The following HCN1 variants were observed in gnomAD, a reference collection of about 807,000 sequenced individuals.
The protein encoded by HCN1 is potassium/sodium hyperpolarization-activated cyclic nucleotide-gated channel 1.
In HCN1, 13 loss-of-function variants were observed where a neutral mutation model predicts 78.9. That is an observed-to-expected ratio of 0.16 (90% CI 0.11 to 0.26). HCN1 has a LOEUF of 0.26. Among genes scored for constraint, HCN1 ranks in the 10% least tolerant of loss-of-function variants. The pLI is 1.00. For missense variants in HCN1, 810 were observed against 1,154.3 expected (o/e 0.70, Z 4.32); for synonymous variants, 552 against 455.5 (o/e 1.21, Z -2.70).
intron 1 of HCN1, 53 bp from the exon 2 acceptor site, chr5:45,645,661 C>A: frequency 6.0e-6 from 7 of 1,160,138 alleles, no homozygotes; most frequent in South Asian, 1.3e-5. Flanking sequence ...ACCAGCCTAT[C>A]CCCCCCATGA....
At chr5:45,415,269 C>T (rs576928306) in intron 3 of HCN1, among the ~76,000 whole-genome samples, 1 of 151,906 alleles carries the variant, frequency 6.6e-6, no homozygotes, top group South Asian at 2.1e-4. Context: ...AATAATTTGC[C>T]ATCTCAGTTT....
At chr5:45,311,373 A>G (rs1391198290) in intron 5 of HCN1, among the ~76,000 whole-genome samples, 1 of 152,168 alleles carries the variant, frequency 6.6e-6, no homozygotes, top group Non-Finnish European at 1.5e-5. Flanking sequence ...TGGATTTCAA[A>G]TGTTACTATT....
At chr5:45,373,432 G>A (rs1212244103) in intron 4 of HCN1, among the ~76,000 whole-genome samples, 4 of 131,744 alleles carry the variant, frequency 3.0e-5, no homozygotes, top group Non-Finnish European at 6.2e-5. Context: ...ATATCCCTCA[G>A]ATATACATCA....
rs1744726251 is a variant in HCN1 at position 45,260,923 on chromosome 5, T to G, written c.*998A>C. 1 of 152,570 alleles carries G rather than the reference T, an allele frequency of 6.6e-6. No homozygotes were observed. The highest frequency in any genetic ancestry group is 2.4e-5 in the African/African-American group (1 of 41,444). The allele number at this position is 152,570 out of a possible 1,614,324, so 9.5% of individuals were successfully genotyped here. On this transcript the variant is annotated 3_prime_UTR_variant, in exon 8 of 8. Transcript: ENST00000303230. The stretch of plus-strand genomic sequence containing the variant: ...TTCCCCAGAAGCATGCAGGGACTAT[T>G]TTCAGATGCTTGATTATGGCAAGAA...
intron 2 of HCN1, among the ~76,000 whole-genome samples, chr5:45,462,383 C>T (rs1457318874): frequency 1.3e-5 from 2 of 152,058 alleles, no homozygotes; most frequent in Non-Finnish European, 2.9e-5. Context: ...CTTCTCATCT[C>T]TTGTTATATT....
Position 45,695,884 on chromosome 5 carries a change from G to GCCGCCGCCA in HCN1, c.201_209dup (p.Gly72_Gly74dup), listed in dbSNP as rs56064803. ...CCGCCGGCTCCTCGCCGCCGCCGCC[G>GCCGCCGCCA]CCGCCGCCACCGCCGCCACCGCCGT... On this transcript the variant is annotated inframe_insertion, in exon 1 of 8. Transcript: ENST00000303230. The GCCGCCGCCA allele has an allele frequency of 1.6e-4, 250 of 1,529,784 alleles. No individual in the cohort carries two copies. Among genetic ancestry groups the GCCGCCGCCA allele is most frequent in the Non-Finnish European group, 2.0e-4 (226 of 1,142,300 alleles). 94.8% of individuals were successfully genotyped at this position (1,529,784 alleles called of 1,614,324 possible).
chr5:45,582,692 C>A (rs1440858570), intron 2 of HCN1, among the ~76,000 whole-genome samples: 1 of 152,078 alleles, frequency 6.6e-6, no homozygotes, highest in African/African-American at 2.4e-5. Flanking sequence ...TGAGATACGT[C>A]CCATCAATAC....
chr5:45,548,403 T>C (rs1156434319), intron 2 of HCN1, among the ~76,000 whole-genome samples: 1 of 151,798 alleles, frequency 6.6e-6, no homozygotes, highest in African/African-American at 2.4e-5. Flanking sequence ...CAACTTTGTG[T>C]GAATAAAGAG....
intron 4 of HCN1, among the ~76,000 whole-genome samples, chr5:45,375,881 CTTATATA>C (rs1747634024): frequency 1.7e-5 from 2 of 116,474 alleles, no homozygotes; most frequent in South Asian, 5.1e-4. Flanking sequence ...TATATTTTAT[CTTATATA>C]TTATATATGA....
intron 3 of HCN1, among the ~76,000 whole-genome samples, chr5:45,444,636 C>T (rs1267183820): frequency 6.6e-6 from 1 of 152,020 alleles, no homozygotes; most frequent in Non-Finnish European, 1.5e-5. Context: ...AATCCATTCT[C>T]TTAGGCTAAG....
chr5:45,337,197 G>T (rs1362657657), intron 5 of HCN1, among the ~76,000 whole-genome samples: 3 of 151,854 alleles, frequency 2.0e-5, no homozygotes, highest in East Asian at 1.9e-4. Context: ...TAAACACGGA[G>T]AACTTTTAAA....
At chr5:45,327,272 G>A (rs1300077127) in intron 5 of HCN1, among the ~76,000 whole-genome samples, 1 of 151,668 alleles carries the variant, frequency 6.6e-6, no homozygotes, top group Non-Finnish European at 1.5e-5. Context: ...CAAATGTCCA[G>A]AAGTATGCTG....
intron 1 of HCN1, among the ~76,000 whole-genome samples, chr5:45,677,848 GAATTT>G (rs1370441918): frequency 6.6e-6 from 1 of 151,796 alleles, no homozygotes; most frequent in African/African-American, 2.4e-5. Flanking sequence ...TATAGAGAAA[GAATTT>G]ACATTTAAAT....
At chr5:45,289,919 G>A (rs998916004) in intron 6 of HCN1, among the ~76,000 whole-genome samples, 1 of 151,956 alleles carries the variant, frequency 6.6e-6, no homozygotes, top group African/African-American at 2.4e-5. Flanking sequence ...TAGAAAAGAA[G>A]CTGGCTGGTT....
rs1744651471 is a variant in HCN1 at position 45,257,889 on chromosome 5, C to T, written c.*4032G>A. 6.7e-6 allele frequency: 1 copy of T among 149,078 alleles called. No homozygotes were observed. Among genetic ancestry groups the T allele is most frequent in the African/African-American group, 2.6e-5 (1 of 38,790 alleles). 9.2% of individuals were successfully genotyped at this position (149,078 alleles called of 1,614,324 possible). On this transcript the variant is annotated 3_prime_UTR_variant, in exon 8 of 8. Coordinates refer to ENST00000303230, the MANE Select transcript of HCN1 (RefSeq NM_021072.4). ...TCCTTAAATTTTTGGCCATTGTTTT[C>T]AGGACTCAAAATAGCTCAGCATTCC...
intron 2 of HCN1, among the ~76,000 whole-genome samples, chr5:45,541,502 G>A (rs550024056): frequency 6.6e-6 from 1 of 152,082 alleles, no homozygotes; most frequent in Non-Finnish European, 1.5e-5. Flanking sequence ...AAATTGCTGT[G>A]TTCTTTCATT....
intron 2 of HCN1, among the ~76,000 whole-genome samples, chr5:45,585,596 G>A (rs1034245453): frequency 6.6e-6 from 1 of 152,134 alleles, no homozygotes; most frequent in Admixed American, 6.5e-5. Flanking sequence ...AGGAGGAGAG[G>A]CACTCTGATT....
chr5:45,341,035 G>A (rs901539477), intron 5 of HCN1, among the ~76,000 whole-genome samples: 6 of 151,778 alleles, frequency 4.0e-5, no homozygotes, highest in East Asian at 1.9e-4. Flanking sequence ...TTAACTTCTT[G>A]GAATATATCC....
At chr5:45,634,378 A>C (rs898185410) in intron 2 of HCN1, among the ~76,000 whole-genome samples, 5 of 152,016 alleles carry the variant, frequency 3.3e-5, no homozygotes, top group African/African-American at 9.7e-5. Flanking sequence ...TAAATTAATC[A>C]TTCCCAATAG....
Sources: gnomAD v4.1 joint callset for allele counts (sites outside exome capture counted in the v4.1 genomes callset) on GRCh38, gnomAD v4.1.1 for gene constraint, MANE v1.5 for transcripts, NCBI Gene and HGNC (gene_info 2026-07-23, HGNC 2026-07-21) for gene names.